The following TNNI3K variants were observed in gnomAD, a reference collection of about 807,000 sequenced individuals.
The protein encoded by TNNI3K is TNNI3 interacting kinase, also known as serine/threonine-protein kinase TNNI3K.
TNNI3K carries 140 observed loss-of-function variants against 114.5 expected under a neutral mutation model. The ratio of observed to expected loss-of-function variants is 1.22; its 90% CI spans 1.07 to 1.41. The LOEUF is 1.41. TNNI3K is among the 40% of genes most tolerant of loss of function. TNNI3K has a pLI of 0.00. For missense variants in TNNI3K, 1,125 were observed against 1,007.6 expected, an observed-to-expected ratio of 1.12 and a Z score of -1.58; for synonymous variants, 347 against 347.5, an observed-to-expected ratio of 1.00 and a Z score of 0.02.
chr1:74,513,666 T>A (rs1646302235), intron 23 of TNNI3K, among the ~76,000 whole-genome samples: 1 of 152,244 alleles, frequency 6.6e-6, no homozygotes, highest in Non-Finnish European at 1.5e-5. Context: ...GTCATCCTTT[T>A]TGTTTCAGAG....
intron 23 of TNNI3K, among the ~76,000 whole-genome samples, chr1:74,514,142 T>A (rs1376685567): frequency 6.6e-6 from 1 of 152,228 alleles, no homozygotes; most frequent in Non-Finnish European, 1.5e-5. Context: ...CATAGAGTCT[T>A]GTAATGCAGA....
rs143201143 is a variant in TNNI3K, at chr1:74,493,822, G to A, written c.2351+1556G>A. The stretch of plus-strand genomic sequence containing the variant: ...ATTTACATGCACATTTAAAGCCTTT[G>A]CTCAAGTTGTATCCTCTGACAACAT... On this transcript the variant is annotated intron_variant, in intron 23 of 24. Transcript: ENST00000326637. 2.6e-5 allele frequency among the ~76,000 whole-genome samples: 4 copies of A among 152,274 alleles called. No individual in the cohort carries two copies. The East Asian group carries it at 5.8e-4, about 22-fold the overall frequency.
chr1:74,538,077 A>G (rs1646681314), intron 23 of TNNI3K, among the ~76,000 whole-genome samples: 1 of 152,170 alleles, frequency 6.6e-6, no homozygotes, highest in Non-Finnish European at 1.5e-5. Flanking sequence ...TAACCGTAGC[A>G]CTATACTGCT....
chr1:74,483,280 G>T (rs1188721276), intron 21 of TNNI3K: 1 of 717,402 alleles, frequency 1.4e-6, no homozygotes, highest in East Asian at 2.7e-5. Flanking sequence ...TAGGTTAGCT[G>T]GTGACAGAGG....
chr1:74,426,811 A>C (rs1254341377), intron 17 of TNNI3K, among the ~76,000 whole-genome samples: 2 of 152,086 alleles, frequency 1.3e-5, no homozygotes, highest in African/African-American at 4.8e-5. Context: ...GAATCCGGTG[A>C]CACTTCTGTG....
intron 3 of TNNI3K, among the ~76,000 whole-genome samples, chr1:74,250,384 G>T (rs45514996): frequency 1.3e-3 from 199 of 152,270 alleles, no homozygotes; most frequent in African/African-American, 4.6e-3. Context: ...TTATTATGGT[G>T]AATTCTCTTA....
intron 11 of TNNI3K, among the ~76,000 whole-genome samples, chr1:74,366,308 T>C (rs1364362725): frequency 6.6e-6 from 1 of 152,078 alleles, no homozygotes; most frequent in Admixed American, 6.6e-5. Flanking sequence ...AGATTATTTT[T>C]ATAGTGAACG....
intron 11 of TNNI3K, among the ~76,000 whole-genome samples, chr1:74,357,409 G>A (rs189699896): frequency 2.3e-4 from 35 of 152,220 alleles, no homozygotes; most frequent in Middle Eastern, 6.8e-3. Flanking sequence ...AGCAGCACCC[G>A]TCTCTATCTG....
chr1:74,326,170 A>C (rs891300251), intron 5 of TNNI3K, among the ~76,000 whole-genome samples: 1 of 152,220 alleles, frequency 6.6e-6, no homozygotes. Flanking sequence ...CCAAGTGTAG[A>C]TATTTATTGA....
At chr1:74,322,898 C>T (rs755859793) in intron 5 of TNNI3K, among the ~76,000 whole-genome samples, 9 of 152,122 alleles carry the variant, frequency 5.9e-5, no homozygotes, top group Non-Finnish European at 8.8e-5. Context: ...TGTTTCCAGT[C>T]TTGTTCTTTC....
intron 5 of TNNI3K, among the ~76,000 whole-genome samples, chr1:74,321,970 T>TTA (rs1421303457): frequency 1.3e-5 from 2 of 151,996 alleles, no homozygotes; most frequent in African/African-American, 4.8e-5. Flanking sequence ...GGAGTGGAGA[T>TTA]TATATAAATA....
chr1:74,317,663 C>G (rs1428038693), intron 5 of TNNI3K, among the ~76,000 whole-genome samples: 1 of 152,152 alleles, frequency 6.6e-6, no homozygotes, highest in Non-Finnish European at 1.5e-5. Context: ...CCACATATTC[C>G]TGATTCTTCA....
chr1:74,324,462 C>T (rs1275257935), intron 5 of TNNI3K, among the ~76,000 whole-genome samples: 4 of 152,208 alleles, frequency 2.6e-5, no homozygotes, highest in South Asian at 2.1e-4. Context: ...GAAAAGCTAT[C>T]TGCTCAATAG....
At chr1:74,528,280 T>C (rs1396004499) in intron 23 of TNNI3K, among the ~76,000 whole-genome samples, 1 of 152,038 alleles carries the variant, frequency 6.6e-6, no homozygotes, top group African/African-American at 2.4e-5. Context: ...TGCAAGGGGC[T>C]GGAGCCTGAG....
At chr1:74,498,258 T>A (rs904954133) in intron 23 of TNNI3K, among the ~76,000 whole-genome samples, 3 of 152,290 alleles carry the variant, frequency 2.0e-5, no homozygotes, top group Non-Finnish European at 4.4e-5. Context: ...GACATCCCCC[T>A]TATCTTGTCA....
chr1:74,520,862 T>C lies in TNNI3K; in HGVS notation c.2352-19372T>C, dbSNP rs1646422885. ...ATGAAATTTAGATCTGGAAGGTACATATGGAGCTGGCTCATCTTGGGGAGG... is the reference window on the plus strand; with the variant it reads ...ATGAAATTTAGATCTGGAAGGTACACATGGAGCTGGCTCATCTTGGGGAGG... On this transcript the variant is annotated intron_variant, in intron 23 of 24. Transcript: ENST00000326637. Among the ~76,000 whole-genome samples the C allele has an allele frequency of 2.0e-5, 3 of 152,128 alleles. No homozygotes were observed. In the South Asian group the frequency reaches 6.2e-4, roughly 31 times the overall value.
intron 4 of TNNI3K, among the ~76,000 whole-genome samples, chr1:74,259,461 G>A (rs543474525): frequency 4.6e-5 from 7 of 152,272 alleles, no homozygotes; most frequent in African/African-American, 1.2e-4. Context: ...CCATATTGGT[G>A]AGGGTGATCT....
At chr1:74,449,108 T>C (rs2100692746) in intron 20 of TNNI3K, among the ~76,000 whole-genome samples, 1 of 146,970 alleles carries the variant, frequency 6.8e-6, no homozygotes, top group Admixed American at 6.8e-5. Flanking sequence ...TCTTTTTGGT[T>C]GGTAAACTAT....
chr1:74,394,526 C>A (rs1332920523), intron 17 of TNNI3K, among the ~76,000 whole-genome samples: 1 of 152,152 alleles, frequency 6.6e-6, no homozygotes, highest in Non-Finnish European at 1.5e-5. Flanking sequence ...ATAGCTGATG[C>A]CTGCTTGTCA....
Sources: gnomAD v4.1 joint callset for allele counts (sites outside exome capture counted in the v4.1 genomes callset) on GRCh38, gnomAD v4.1.1 for gene constraint, MANE v1.5 for transcripts, NCBI Gene and HGNC (gene_info 2026-07-23, HGNC 2026-07-21) for gene names.